The following SLC35F1 variants were observed in gnomAD, a reference collection of about 807,000 sequenced individuals.
SLC35F1 encodes the protein solute carrier family 35 member F1.
Under a neutral mutation model 48.7 loss-of-function variants are expected in SLC35F1, and 14 were observed. The observed-to-expected ratio is 0.29, with a 90% CI of 0.19 to 0.45. The LOEUF (loss-of-function observed/expected upper bound fraction) is 0.45. Ranked by LOEUF, SLC35F1 falls within the 20% of genes least tolerant of loss-of-function variation. The pLI is 1.00. For synonymous variants in SLC35F1, 190 were observed against 202.2 expected (o/e 0.94, Z 0.51); for missense variants, 404 against 500.0 (o/e 0.81, Z 1.83).
At chr6:117,985,561 A>G (rs1776836958) in intron 1 of SLC35F1, among the ~76,000 whole-genome samples, 1 of 152,224 alleles carries the variant, frequency 6.6e-6, no homozygotes, top group Non-Finnish European at 1.5e-5. Context: ...TGTTCATTAA[A>G]CAGCATAAAG....
At chr6:118,190,525 C>T (rs1234624142) in intron 2 of SLC35F1, among the ~76,000 whole-genome samples, 2 of 152,120 alleles carry the variant, frequency 1.3e-5, no homozygotes, top group African/African-American at 4.8e-5. Context: ...GCACCACTCT[C>T]AGCGTGATTT....
chr6:118,197,595 G>A (rs1449879280), intron 2 of SLC35F1, among the ~76,000 whole-genome samples: 2 of 152,150 alleles, frequency 1.3e-5, no homozygotes, highest in South Asian at 2.1e-4. Flanking sequence ...CTGAGCTTAC[G>A]AAAATTGATC....
intron 1 of SLC35F1, among the ~76,000 whole-genome samples, chr6:118,153,589 T>G (rs1189878318): frequency 6.6e-6 from 1 of 152,218 alleles, no homozygotes; most frequent in African/African-American, 2.4e-5. Context: ...TGTAAAAGCA[T>G]GTGGGTGTAT....
intron 1 of SLC35F1, among the ~76,000 whole-genome samples, chr6:118,007,903 T>G (rs1218511003): frequency 1.3e-5 from 2 of 152,128 alleles, no homozygotes; most frequent in Non-Finnish European, 2.9e-5. Context: ...TCTTCTCAGC[T>G]CATGTTGGAG....
Position 117,947,843 on chromosome 6 carries a change from A to AC in SLC35F1, c.173+39945dup, listed in dbSNP as rs200485529. ...GCCTGAGAGAGGTATTGCCAAGCAT[A>AC]CACTTTGAGAGTCATTGTATAGTTG... is the stretch of plus-strand genomic sequence containing the variant. On this transcript the variant is annotated intron_variant, in intron 1 of 7. Coordinates refer to ENST00000360388, the MANE Select transcript of SLC35F1 (RefSeq NM_001029858.4). 7.7e-3 allele frequency among the ~76,000 whole-genome samples: 1,165 copies of AC among 152,250 alleles called. 8 individuals are homozygous for AC. The highest frequency in any genetic ancestry group is 0.014 in the Middle Eastern group (4 of 294).
rs570254735 is a variant in SLC35F1, at chr6:118,275,314, T to G, written c.638-145T>G. On this transcript the variant is annotated intron_variant, in intron 4 of 7. Coordinates refer to ENST00000360388, the MANE Select transcript of SLC35F1 (RefSeq NM_001029858.4). ...ACGTGTCTAGAGCACAGATAAACTTTACTAAATCTCAGTTGGAAATTGCAT... is the reference window on the plus strand; with the variant it reads ...ACGTGTCTAGAGCACAGATAAACTTGACTAAATCTCAGTTGGAAATTGCAT... 3.7e-4 allele frequency: 326 copies of G among 876,144 alleles called. 12 individuals are homozygous for G. The South Asian group carries it at 6.0e-3, about 16-fold the overall frequency. The allele number at this position is 876,144 out of a possible 1,614,324, so 54.3% of individuals were successfully genotyped here.
At chr6:117,928,689 C>T (rs563093715) in intron 1 of SLC35F1, among the ~76,000 whole-genome samples, 7 of 152,178 alleles carry the variant, frequency 4.6e-5, no homozygotes, top group East Asian at 3.9e-4. Context: ...AGATTCCAGA[C>T]GTAGGTCTTT....
chr6:117,985,235 G>A (rs970377152), intron 1 of SLC35F1, among the ~76,000 whole-genome samples: 7 of 152,166 alleles, frequency 4.6e-5, no homozygotes, highest in Non-Finnish European at 7.4e-5. Context: ...AGTATAGATT[G>A]AAACTGAGAG....
At chr6:117,920,250 TG>T (rs1467033670) in intron 1 of SLC35F1, among the ~76,000 whole-genome samples, 1 of 150,426 alleles carries the variant, frequency 6.6e-6, no homozygotes, top group Admixed American at 6.6e-5. Context: ...GGGTGGTGGC[TG>T]GAAAAGGGAG....
chr6:118,035,935 G>A (rs529551808), intron 1 of SLC35F1, among the ~76,000 whole-genome samples: 25 of 151,746 alleles, frequency 1.6e-4, no homozygotes, highest in East Asian at 3.9e-4. Flanking sequence ...CTCATGATCC[G>A]CCCGCCTCGG....
chr6:118,161,030 A>C (rs1182953402), intron 2 of SLC35F1, among the ~76,000 whole-genome samples: 1 of 152,114 alleles, frequency 6.6e-6, no homozygotes, highest in Admixed American at 6.6e-5. Flanking sequence ...TCTTACATAC[A>C]ATTACATAGG....
intron 1 of SLC35F1, among the ~76,000 whole-genome samples, chr6:118,103,261 A>AT (rs5879448): frequency 0.9 from 136,055 of 151,934 alleles, 61,726 homozygotes; most frequent in Non-Finnish European, 0.97. Flanking sequence ...ACATTTATTT[A>AT]TTTTTTTAAA....
intron 1 of SLC35F1, among the ~76,000 whole-genome samples, chr6:117,996,808 A>G (rs1318135877): frequency 2.6e-5 from 4 of 152,142 alleles, no homozygotes; most frequent in Non-Finnish European, 5.9e-5. Context: ...AGTAGATAAA[A>G]CCACAAAGAT....
chr6:118,111,060 G>C (rs1773393019), intron 1 of SLC35F1, among the ~76,000 whole-genome samples: 1 of 152,054 alleles, frequency 6.6e-6, no homozygotes, highest in Admixed American at 6.6e-5. Context: ...CCATAGTAAG[G>C]AGTTTTTCTC....
intron 1 of SLC35F1, among the ~76,000 whole-genome samples, chr6:117,946,812 G>A (rs1265630857): frequency 1.3e-5 from 2 of 152,134 alleles, no homozygotes; most frequent in Admixed American, 6.6e-5. Context: ...TAGAAGTTAT[G>A]GAACACTGTC....
chr6:118,119,230 A>G (rs1178262755), intron 1 of SLC35F1, among the ~76,000 whole-genome samples: 1 of 152,172 alleles, frequency 6.6e-6, no homozygotes, highest in Non-Finnish European at 1.5e-5. Context: ...ATGACGTAAA[A>G]TAATTCAGCT....
chr6:118,301,755 C>T (rs974774560), intron 7 of SLC35F1, among the ~76,000 whole-genome samples: 3 of 152,106 alleles, frequency 2.0e-5, no homozygotes, highest in Non-Finnish European at 4.4e-5. Context: ...GCAGGCCATA[C>T]GGTCTCCATC....
At chr6:118,070,752 G>C (rs1185298546) in intron 1 of SLC35F1, among the ~76,000 whole-genome samples, 3 of 148,734 alleles carry the variant, frequency 2.0e-5, no homozygotes, top group South Asian at 4.2e-4. Flanking sequence ...TGAATACTTA[G>C]ATTTTTTTAC....
chr6:118,094,146 G>A (rs1470568130), intron 1 of SLC35F1, among the ~76,000 whole-genome samples: 1 of 152,122 alleles, frequency 6.6e-6, no homozygotes, highest in Non-Finnish European at 1.5e-5. Flanking sequence ...GGGGAAAATC[G>A]AGATGCAAAG....
Sources: gnomAD v4.1 joint callset for allele counts (sites outside exome capture counted in the v4.1 genomes callset) on GRCh38, gnomAD v4.1.1 for gene constraint, MANE v1.5 for transcripts, NCBI Gene and HGNC (gene_info 2026-07-23, HGNC 2026-07-21) for gene names.